The following NFU1 variants were observed in gnomAD, a reference collection of about 807,000 sequenced individuals.
The protein encoded by NFU1 is NFU1 iron-sulfur cluster scaffold homolog, mitochondrial.
NFU1 carries 30 observed loss-of-function variants against 32.2 expected under a neutral mutation model. That is an observed-to-expected ratio of 0.93 (90% confidence interval 0.70 to 1.26). NFU1 has a LOEUF of 1.26. Ranked by LOEUF, NFU1 falls within the 50% of genes most tolerant of loss-of-function variation. The pLI is 0.00. For synonymous variants in NFU1, 112 were observed against 104.6 expected, an observed-to-expected ratio of 1.07 and a Z score of -0.43; for missense variants, 306 against 306.6, an observed-to-expected ratio of 1.00 and a Z score of 0.02.
At chr2:69,404,160 A>C (rs567418215) in intron 6 of NFU1, among the ~76,000 whole-genome samples, 1 of 151,388 alleles carries the variant, frequency 6.6e-6, no homozygotes, top group East Asian at 2.0e-4. Flanking sequence ...TTCTTAATTC[A>C]CAAAAATTAT....
intron 2 of NFU1, among the ~76,000 whole-genome samples, chr2:69,426,620 T>C (rs895589880): frequency 2.3e-4 from 35 of 152,104 alleles, no homozygotes; most frequent in African/African-American, 8.2e-4. Context: ...TCTAGGACCA[T>C]GATTAGATTG....
At chr2:69,427,823 GTTTTGTAGAGGTAGGGTTA>G (rs1646347555) in intron 2 of NFU1, among the ~76,000 whole-genome samples, 1 of 150,976 alleles carries the variant, frequency 6.6e-6, no homozygotes, top group Non-Finnish European at 1.5e-5. Flanking sequence ...CTCTACAGGG[GTTTTGTAGAGGTAGGGTTA>G]TTTTGTAGAG....
chr2:69,431,384 C>T (rs941844093), intron 2 of NFU1, among the ~76,000 whole-genome samples: 2 of 152,202 alleles, frequency 1.3e-5, no homozygotes, highest in Non-Finnish European at 2.9e-5. Flanking sequence ...CGGCTCACTG[C>T]AAGCTTGAAC....
chr2:69,436,003 C>T (rs1471604889), intron 1 of NFU1, among the ~76,000 whole-genome samples: 1 of 151,616 alleles, frequency 6.6e-6, no homozygotes, highest in Non-Finnish European at 1.5e-5. Flanking sequence ...CTTGACCTCT[C>T]AAAGTGCTGG....
At chr2:69,411,373 A>T (rs984407191) in intron 5 of NFU1, among the ~76,000 whole-genome samples, 7 of 152,188 alleles carry the variant, frequency 4.6e-5, no homozygotes, top group Non-Finnish European at 7.3e-5. Context: ...CAAGTGCTTT[A>T]CACTAAATAA....
chr2:69,435,249 A>T (rs559340864), intron 1 of NFU1, among the ~76,000 whole-genome samples: 2 of 152,338 alleles, frequency 1.3e-5, no homozygotes, highest in East Asian at 3.9e-4. Flanking sequence ...CAAGCCCGGG[A>T]ATGGGCAGTC....
chr2:69,439,498 A>G (rs1012496495), upstream of NFU1, among the ~76,000 whole-genome samples: 4 of 152,222 alleles, frequency 2.6e-5, no homozygotes, highest in Non-Finnish European at 4.4e-5. Flanking sequence ...AGTGAGCCAC[A>G]TCAAGATTTA....
At position 69,421,562 on chromosome 2, in the gene NFU1, C is replaced by CTTTTTTTTT. The variant is rs763705011; in HGVS notation, c.303-1967_303-1959dup. Reference sequence around the variant, plus strand: ...CATCCCAACAATTTTATCATTTGTGCTTTTTTTTTTTTTTTTTTTTTTTTT... The same window carrying CTTTTTTTTT: ...CATCCCAACAATTTTATCATTTGTGCTTTTTTTTTTTTTTTTTTTTTTTTTTTTTTTTTT... On this transcript the variant is annotated intron_variant, in intron 3 of 7. Coordinates refer to ENST00000410022, the MANE Select transcript of NFU1 (RefSeq NM_001002755.4). Among the ~76,000 whole-genome samples, 219 of 70,760 alleles carry CTTTTTTTTT rather than the reference C, an allele frequency of 3.1e-3. 2 individuals carry two copies. Among genetic ancestry groups the CTTTTTTTTT allele is most frequent in the Middle Eastern group, 0.013 (1 of 78 alleles). The allele number at this position is 70,760 out of a possible 152,430, so 46.4% of individuals were successfully genotyped here.
At chr2:69,431,560 G>C (rs964492164) in intron 2 of NFU1, among the ~76,000 whole-genome samples, 1 of 152,206 alleles carries the variant, frequency 6.6e-6, no homozygotes, top group Non-Finnish European at 1.5e-5. Flanking sequence ...ACCTGCCTCA[G>C]CCTCTCAAAG....
upstream of NFU1, among the ~76,000 whole-genome samples, chr2:69,437,927 C>T (rs1014365056): frequency 6.6e-6 from 1 of 152,190 alleles, no homozygotes; most frequent in Admixed American, 6.5e-5. Context: ...CATAGCTGTG[C>T]TTGTCAGCTG....
intron 4 of NFU1, chr2:69,416,143 CT>C (rs1673042873): frequency 1.3e-5 from 2 of 151,314 alleles, no homozygotes; most frequent in Admixed American, 1.3e-4. Context: ...GAAAAAATAT[CT>C]TTTCCTATAT....
intron 4 of NFU1, 108 bp downstream of exon 4, chr2:69,419,430 T>C (rs1196100309): frequency 3.0e-6 from 2 of 672,456 alleles, no homozygotes; most frequent in Admixed American, 2.8e-5. Flanking sequence ...AAAAATAAAA[T>C]ATAAAAATTA....
chr2:69,396,900 G>A (rs572242657), intron 7 of NFU1, among the ~76,000 whole-genome samples: 6 of 151,490 alleles, frequency 4.0e-5, no homozygotes, highest in African/African-American at 9.7e-5. Flanking sequence ...GTGAAACCCC[G>A]TCTCTACTAA....
At chr2:69,436,436 T>C (rs923634587) in intron 1 of NFU1, among the ~76,000 whole-genome samples, 10 of 152,184 alleles carry the variant, frequency 6.6e-5, no homozygotes, top group African/African-American at 2.2e-4. Context: ...AAGAATAATA[T>C]TCTCGTCCCT....
chr2:69,438,761 G>A (rs1192299512), upstream of NFU1, among the ~76,000 whole-genome samples: 2 of 152,074 alleles, frequency 1.3e-5, no homozygotes, highest in African/African-American at 4.8e-5. Context: ...CAGGCCTGCA[G>A]CTCGCCCGGG....
chr2:69,424,186 A>AT (rs1673368790), intron 2 of NFU1, among the ~76,000 whole-genome samples: 1 of 137,068 alleles, frequency 7.3e-6, no homozygotes, highest in African/African-American at 2.8e-5. Context: ...AAAAAAAAAA[A>AT]AAAAAAAAAA....
chr2:69,424,568 T>C (rs887453126), intron 2 of NFU1, among the ~76,000 whole-genome samples: 3 of 151,986 alleles, frequency 2.0e-5, no homozygotes, highest in African/African-American at 7.3e-5. Context: ...GGGATTAGAG[T>C]GTGAGCACTG....
chr2:69,404,615 ATTTTTTTTT>A (rs534309730), intron 6 of NFU1, among the ~76,000 whole-genome samples: 1 of 73,008 alleles, frequency 1.4e-5, no homozygotes, highest in African/African-American at 6.3e-5. Context: ...ATCTTAGCAA[ATTTTTTTTT>A]TTTTTTTTTT....
intron 5 of NFU1, among the ~76,000 whole-genome samples, chr2:69,414,499 T>A (rs1303799340): frequency 6.6e-6 from 1 of 151,242 alleles, no homozygotes; most frequent in African/African-American, 2.4e-5. Context: ...ACACCTGTAA[T>A]CCCAGCTACT....
Sources: allele counts gnomAD v4.1 joint callset (sites outside exome capture counted in the v4.1 genomes callset), GRCh38; gene constraint gnomAD v4.1.1; transcripts MANE v1.5; gene names NCBI Gene and HGNC (gene_info 2026-07-23, HGNC 2026-07-21).